GPHN: variants seen among roughly 807,000 people sequenced by gnomAD.
GPHN encodes gephyrin.
A neutral mutation model predicts 95.5 loss-of-function variants in GPHN; 17 were observed. That is an observed-to-expected ratio of 0.18 (90% CI 0.12 to 0.27). GPHN has a LOEUF of 0.27. Ranked by LOEUF, GPHN falls within the 10% of genes least tolerant of loss-of-function variation. The pLI is 1.00. For missense variants in GPHN, 660 were observed against 978.1 expected (o/e 0.67, Z 4.34); for synonymous variants, 320 against 322.5 (o/e 0.99, Z 0.08).
At chr14:67,687,556 C>G in the GPHN span, among the ~76,000 whole-genome samples, 1 of 147,596 alleles carries the variant, frequency 6.8e-6, no homozygotes, top group African/African-American at 2.5e-5. Flanking sequence ...ACCACAACCT[C>G]TGCCTCCCAG....
intron 9 of GPHN, chr14:66,969,419 G>A (rs542871848): frequency 6.6e-6 from 1 of 152,262 alleles, no homozygotes; most frequent in Admixed American, 6.5e-5. Context: ...TTCTGTAATT[G>A]ATAAATTCTC....
At chr14:67,690,775 G>A in the GPHN span, 1 of 381,802 alleles carries the variant, frequency 2.6e-6, no homozygotes. Context: ...CTGAGGCCAG[G>A]AGTTTAAGTA....
intron 10 of GPHN, among the ~76,000 whole-genome samples, chr14:67,045,647 G>T (rs2074974097): frequency 7.0e-6 from 1 of 142,050 alleles, no homozygotes; most frequent in Non-Finnish European, 1.5e-5. Context: ...ATCTCTCTCT[G>T]CCTCTGTCTC....
At chr14:66,662,030 G>C (rs1010042592) in intron 1 of GPHN, among the ~76,000 whole-genome samples, 36 of 152,216 alleles carry the variant, frequency 2.4e-4, no homozygotes, top group South Asian at 2.1e-4. Flanking sequence ...TCCTGGGACA[G>C]AGCTCCTAGA....
At chr14:66,804,400 T>G (rs1245997213) in intron 3 of GPHN, among the ~76,000 whole-genome samples, 1 of 152,236 alleles carries the variant, frequency 6.6e-6, no homozygotes, top group African/African-American at 2.4e-5. Flanking sequence ...TAGCAAGTCT[T>G]TGTTTTTCAA....
At chr14:67,475,990 A>C in the GPHN span, among the ~76,000 whole-genome samples, 1 of 152,256 alleles carries the variant, frequency 6.6e-6, no homozygotes, top group East Asian at 1.9e-4. Context: ...TCTCTAAATG[A>C]CATGTCCTGT....
At chr14:66,721,589 C>T (rs2070742694) in intron 2 of GPHN, among the ~76,000 whole-genome samples, 1 of 152,050 alleles carries the variant, frequency 6.6e-6, no homozygotes, top group Non-Finnish European at 1.5e-5. Context: ...GAGACAAATC[C>T]TTTGATATTT....
chr14:66,789,137 T>A (rs927279735), intron 3 of GPHN, among the ~76,000 whole-genome samples: 7 of 152,234 alleles, frequency 4.6e-5, no homozygotes, highest in Admixed American at 2.6e-4. Context: ...ATCCAGTATG[T>A]TCACACACAG....
intron 2 of GPHN, chr14:66,760,604 G>A: frequency 2.5e-6 from 1 of 392,204 alleles, no homozygotes; most frequent in Non-Finnish European, 4.9e-6. Context: ...CATCCACAAT[G>A]ATTGCAAGGT....
intron 1 of GPHN, among the ~76,000 whole-genome samples, chr14:66,515,574 A>T (rs1006948251): frequency 9.9e-5 from 15 of 152,202 alleles, no homozygotes; most frequent in African/African-American, 2.9e-4. Flanking sequence ...TAGGTAAAAA[A>T]ATTCTGAAAA....
the GPHN span, chr14:67,224,870 C>G: frequency 2.8e-6 from 1 of 352,210 alleles, no homozygotes; most frequent in Non-Finnish European, 5.1e-6. Context: ...AAAACCCAGG[C>G]TTAATAAAAA....
At chr14:66,681,025 C>G (rs1366691156) in intron 1 of GPHN, 82 bp from the exon 2 acceptor site, 2 of 775,148 alleles carry the variant, frequency 2.6e-6, no homozygotes, top group East Asian at 5.1e-5. Context: ...TTTTTCATTT[C>G]AAAATGTCTT....
the GPHN span, among the ~76,000 whole-genome samples, chr14:67,661,923 G>A: frequency 5.9e-5 from 9 of 151,956 alleles, no homozygotes; most frequent in African/African-American, 1.9e-4. Context: ...TTGGGAGGCC[G>A]AGGCGGGCAG....
rs189271227 is a variant in GPHN at position 66,845,791 on chromosome 14, G to A, written c.294+21225G>A. On this transcript the variant is annotated intron_variant, in intron 4 of 22. Transcript: ENST00000478722. The stretch of plus-strand genomic sequence containing the variant: ...TTCTGATTCAGTAGGTTTGGAATTC[G>A]GTTTAGGTAATGTGCACATACATGC... Among the ~76,000 whole-genome samples, 507 of 150,618 alleles carry A rather than the reference G, an allele frequency of 3.4e-3. 2 individuals are homozygous for A. Among genetic ancestry groups the A allele is most frequent in the African/African-American group, 0.012 (486 of 40,852 alleles).
At chr14:67,549,182 C>T in the GPHN span, among the ~76,000 whole-genome samples, 2 of 152,080 alleles carry the variant, frequency 1.3e-5, no homozygotes, top group Non-Finnish European at 2.9e-5. Flanking sequence ...TTTGTGCTCA[C>T]AGATCTGATT....
chr14:67,565,700 T>C, the GPHN span, among the ~76,000 whole-genome samples: 1 of 152,138 alleles, frequency 6.6e-6, no homozygotes, highest in African/African-American at 2.4e-5. Flanking sequence ...CAGCTAAGCG[T>C]TGGCTCCTGG....
chr14:67,047,360 G>GTGTT (rs1720388221), intron 10 of GPHN, among the ~76,000 whole-genome samples: 2 of 133,586 alleles, frequency 1.5e-5, no homozygotes, highest in South Asian at 2.3e-4. Context: ...GTGTGTGTGT[G>GTGTT]TGTTTGTTTT....
At chr14:67,451,089 C>T in the GPHN span, among the ~76,000 whole-genome samples, 1 of 152,216 alleles carries the variant, frequency 6.6e-6, no homozygotes, top group African/African-American at 2.4e-5. Flanking sequence ...AGTCTCAAGC[C>T]TTGGCAGCTT....
At chr14:66,571,714 G>A (rs2060698788) in intron 1 of GPHN, among the ~76,000 whole-genome samples, 1 of 152,148 alleles carries the variant, frequency 6.6e-6, no homozygotes, top group Non-Finnish European at 1.5e-5. Flanking sequence ...GGGAGGCTGA[G>A]GCAGGAGAAT....
Sources: gnomAD v4.1 joint callset for allele counts (sites outside exome capture counted in the v4.1 genomes callset) on GRCh38, gnomAD v4.1.1 for gene constraint, MANE v1.5 for transcripts, NCBI Gene and HGNC (gene_info 2026-07-23, HGNC 2026-07-21) for gene names.